The following ENDOV variants were observed in gnomAD, a reference collection of about 807,000 sequenced individuals.
ENDOV encodes the protein hEndoV.
ENDOV carries 37 observed loss-of-function variants against 39.4 expected under a neutral mutation model. That is an observed-to-expected ratio of 0.94 (90% CI 0.72 to 1.23). ENDOV has a LOEUF of 1.23. ENDOV is among the 50% of genes most tolerant of loss of function. ENDOV has a pLI of 0.00. For missense variants in ENDOV, 441 were observed against 375.7 expected (o/e 1.17, Z -1.44); for synonymous variants, 186 against 163.4 (o/e 1.14, Z -1.05).
chr17:80,423,400 C>G, intron 4 of ENDOV, 120 bp from the exon 5 acceptor site: 1 of 954,100 alleles, frequency 1.0e-6, no homozygotes, highest in Non-Finnish European at 1.5e-6. Flanking sequence ...CCCCAGCCCT[C>G]TGCCTGTCCA....
chr17:80,428,301 A>T, intron 7 of ENDOV: 1 of 439,936 alleles, frequency 2.3e-6, no homozygotes, highest in Non-Finnish European at 4.1e-6. Context: ...ACTGGTGGGG[A>T]GGAGACCCAG....
intron 7 of ENDOV, chr17:80,427,720 G>A (rs1339400359): frequency 1.6e-6 from 2 of 1,289,152 alleles, no homozygotes; most frequent in Non-Finnish European, 2.0e-6. Flanking sequence ...GACGGGGTTA[G>A]TGTTGGTCTG....
chr17:80,422,866 A>AT (rs1029192339), intron 4 of ENDOV, among the ~76,000 whole-genome samples: 1 of 152,066 alleles, frequency 6.6e-6, no homozygotes, highest in Non-Finnish European at 1.5e-5. Flanking sequence ...CGCCCGGCTA[A>AT]TTTTTTTGTA....
At chr17:80,416,648 A>G (rs1458419565) in intron 2 of ENDOV, among the ~76,000 whole-genome samples, 3 of 151,868 alleles carry the variant, frequency 2.0e-5, no homozygotes, top group African/African-American at 4.8e-5. Context: ...CAGCAGACCA[A>G]TTTTCCTAAA....
rs529363381 is a variant in ENDOV at position 80,425,716 on chromosome 17, T to G, written c.714+96T>G. 3 of 1,509,978 alleles carry G rather than the reference T, an allele frequency of 2.0e-6. No individual in the cohort carries two copies. The African/African-American group carries it at 4.2e-5, about 21-fold the overall frequency. The allele number at this position is 1,509,978 out of a possible 1,614,324, so 93.5% of individuals were successfully genotyped here. ...CCCAGCAGCTCAGCTGGGGTCAGAG[T>G]GCAGTGACATGAGGACGGGGGTTCC... On this transcript the variant is annotated intron_variant, in intron 7 of 9. Transcript: ENST00000518137.
intron 5 of ENDOV, among the ~76,000 whole-genome samples, 152 bp from the exon 6 acceptor site, chr17:80,424,880 G>A (rs908413750): frequency 3.9e-5 from 6 of 152,204 alleles, no homozygotes; most frequent in African/African-American, 7.2e-5. Context: ...GCTTGAACAC[G>A]GGAGGCAGAG....
At chr17:80,423,498 C>T (rs992939873) in intron 4 of ENDOV, 22 bp from the exon 5 acceptor site, 7 of 1,541,420 alleles carry the variant, frequency 4.5e-6, no homozygotes, top group Non-Finnish European at 6.1e-6. Flanking sequence ...TCCCCAACCC[C>T]ACCCTCCTTT....
chr17:80,435,324 A>T (rs1341741356), intron 9 of ENDOV, among the ~76,000 whole-genome samples: 1 of 152,224 alleles, frequency 6.6e-6, no homozygotes, highest in Non-Finnish European at 1.5e-5. Flanking sequence ...TTACACCTAC[A>T]TTTCCTTCTA....
intron 7 of ENDOV, among the ~76,000 whole-genome samples, chr17:80,425,959 C>T (rs1162917862): frequency 6.6e-6 from 1 of 152,188 alleles, no homozygotes; most frequent in Non-Finnish European, 1.5e-5. Flanking sequence ...CCTGCCAGTT[C>T]CCAGCCAGCC....
rs780990662 is a variant in ENDOV, at chr17:80,428,644, G to A, written c.763G>A (p.Gly255Arg). The A allele has an allele frequency of 1.3e-5, 20 of 1,583,002 alleles. No homozygotes were observed. Among genetic ancestry groups the A allele is most frequent in the Middle Eastern group, 3.3e-4 (2 of 6,030 alleles). The change falls in exon 8 of 10, where the codon GGG (glycine) becomes AGG (arginine). Residue 255 changes from glycine (G) to arginine (R), a missense_variant. Transcript: ENST00000518137. ...CATCCGCAAGTCGCTGGGACTCCCC[G>A]GGCCACCCACACCGAGGTGAGCACC... ...EHIRKSLGLP[G>R]PPTPRSPKAQ...
chr17:80,427,315 G>A (rs886585104), intron 7 of ENDOV: 8 of 574,802 alleles, frequency 1.4e-5, no homozygotes, highest in Middle Eastern at 8.3e-4. Flanking sequence ...ACTTTAGGTC[G>A]TGCTGCTGCT....
chr17:80,422,351 G>T, intron 4 of ENDOV, 106 bp downstream of exon 4: 2 of 1,364,822 alleles, frequency 1.5e-6, no homozygotes, highest in Non-Finnish European at 2.0e-6. Flanking sequence ...GGCCTCTGCC[G>T]CCAGCCCCCT....
intron 9 of ENDOV, among the ~76,000 whole-genome samples, chr17:80,433,385 A>G (rs893999036): frequency 1.3e-5 from 2 of 152,240 alleles, no homozygotes; most frequent in African/African-American, 4.8e-5. Context: ...TCAGTCCGCC[A>G]TGCTGTGCCA....
intron 1 of ENDOV, 139 bp from the exon 2 acceptor site, chr17:80,415,511 C>G (rs571060919): frequency 1.7e-6 from 2 of 1,185,656 alleles, no homozygotes; most frequent in East Asian, 2.6e-5. Flanking sequence ...GGGACTGTGG[C>G]CTCGGCGGTA....
In ENDOV at chr17:80,425,616, G is replaced by A. The variant is rs562125959; in HGVS notation, c.710G>A (p.Arg237His). 1.4e-5 allele frequency: 22 copies of A among 1,581,676 alleles called. No homozygotes were observed. Among genetic ancestry groups the A allele is most frequent in the South Asian group, 6.9e-5 (6 of 87,030 alleles). ...AGGTTCCGGATCCCAGAGCCCGTGC[G>A]CCAGGTGGGTGTGCTGGGGATGCGG... is the stretch of plus-strand genomic sequence containing the variant. ...CCRFRIPEPV[R>H]QADICSREHI... Residue 237 changes from arginine to histidine, a missense_variant, in exon 7 of 10, where the codon CGC (arginine) becomes CAC (histidine). By Grantham distance (29) the Arg-to-His change is conservative. Coordinates refer to ENST00000518137, the MANE Select transcript of ENDOV (RefSeq NM_173627.5).
Position 80,436,507 on chromosome 17 carries a change from T to A in ENDOV, c.*364T>A. The A allele has an allele frequency of 2.0e-6, 1 of 509,836 alleles. No homozygotes were observed. Among genetic ancestry groups the A allele is most frequent in the Non-Finnish European group, 3.1e-6 (1 of 324,820 alleles). 31.6% of individuals were successfully genotyped at this position (509,836 alleles called of 1,614,324 possible). A position where few individuals can be genotyped will look rare whatever the true frequency, so the allele number is the denominator to read the frequency against. On this transcript the variant is annotated 3_prime_UTR_variant, in exon 10 of 10. Transcript: ENST00000518137. The stretch of plus-strand genomic sequence containing the variant: ...AAGGGTACTGGATTTTGTCAAATGC[T>A]TTTCTGGCCTCTATTGAAAAGATCC...
intron 2 of ENDOV, among the ~76,000 whole-genome samples, chr17:80,420,822 C>T (rs1281305744): frequency 1.3e-5 from 2 of 152,252 alleles, no homozygotes; most frequent in Non-Finnish European, 2.9e-5. Flanking sequence ...GGATTACAGG[C>T]ATGCGCCACC....
chr17:80,421,284 C>T (rs976928095), intron 2 of ENDOV, among the ~76,000 whole-genome samples: 1 of 61,828 alleles, frequency 1.6e-5, no homozygotes, highest in African/African-American at 4.9e-5. Context: ...TCCTATGGAC[C>T]GGGTCCCGGG....
At chr17:80,415,946 C>T in intron 2 of ENDOV, 125 bp downstream of exon 2, 3 of 1,289,152 alleles carry the variant, frequency 2.3e-6, no homozygotes, top group Non-Finnish European at 2.1e-6. Context: ...CATTAATAGT[C>T]TGGGGAGTTG....
Sources: gnomAD v4.1 joint callset for allele counts (sites outside exome capture counted in the v4.1 genomes callset) on GRCh38, gnomAD v4.1.1 for gene constraint, MANE v1.5 for transcripts, NCBI Gene and HGNC (gene_info 2026-07-23, HGNC 2026-07-21) for gene names.